Variants in IDH3A observed in about 807,000 individuals in gnomAD.
The protein encoded by IDH3A is isocitrate dehydrogenase (NAD(+)) 3 catalytic subunit alpha.
IDH3A carries 23 observed loss-of-function variants against 43.3 expected under a neutral mutation model. That is an observed-to-expected ratio of 0.53 (90% CI 0.38 to 0.75). The LOEUF (loss-of-function observed/expected upper bound fraction) is 0.75, where lower values mean the gene tolerates loss of function less well. Ranked by LOEUF, IDH3A falls within the 30% of genes least tolerant of loss-of-function variation. The pLI is 0.00. For missense variants in IDH3A, 329 were observed against 474.4 expected, an observed-to-expected ratio of 0.69 and a Z score of 2.85; for synonymous variants, 154 against 163.5, an observed-to-expected ratio of 0.94 and a Z score of 0.44.
chr15:78,165,173 A>C, intron 9 of IDH3A, 97 bp downstream of exon 9: 1 of 775,130 alleles, frequency 1.3e-6, no homozygotes, highest in South Asian at 1.5e-5. Flanking sequence ...CCAGTTTTTC[A>C]AATTGTCAAA....
intron 10 of IDH3A, 199 bp from the exon 11 acceptor site, chr15:78,168,723 A>G (rs1490586533): frequency 9.9e-6 from 5 of 507,446 alleles, no homozygotes; most frequent in Non-Finnish European, 1.4e-5. Context: ...GTGCTGTTGT[A>G]TACACTATGA....
chr15:78,158,463 A>ATATATATATATATAT (rs1212083496), intron 3 of IDH3A, among the ~76,000 whole-genome samples: 1 of 67,378 alleles, frequency 1.5e-5, no homozygotes, highest in African/African-American at 5.5e-5. Flanking sequence ...ATATATATAT[A>ATATATATATATATAT]TTTTTTTTTT....
At chr15:78,153,034 GC>G (rs2074592242) in intron 1 of IDH3A, among the ~76,000 whole-genome samples, 1 of 151,966 alleles carries the variant, frequency 6.6e-6, no homozygotes, top group African/African-American at 2.4e-5. Flanking sequence ...TTACATTGCT[GC>G]CCCCAGCATA....
chr15:78,153,955 A>G (rs1596375093), intron 1 of IDH3A, among the ~76,000 whole-genome samples: 1 of 152,216 alleles, frequency 6.6e-6, no homozygotes, highest in East Asian at 1.9e-4. Context: ...GGTTGCAGTG[A>G]GCCGAGATTG....
At chr15:78,156,800 G>A (rs1449833124) in intron 2 of IDH3A, 1 of 861,380 alleles carries the variant, frequency 1.2e-6, no homozygotes, top group Non-Finnish European at 1.7e-6. Flanking sequence ...TTTGCCTGAA[G>A]CCTTAGAATA....
At chr15:78,154,887 TC>T (rs1427372578) in intron 1 of IDH3A, 2 of 197,608 alleles carry the variant, frequency 1.0e-5, no homozygotes, top group African/African-American at 4.6e-5. Context: ...CACAAAATGA[TC>T]CACTCATCTG....
intron 4 of IDH3A, among the ~76,000 whole-genome samples, chr15:78,160,838 C>T (rs958748325): frequency 1.3e-5 from 2 of 150,704 alleles, no homozygotes; most frequent in African/African-American, 4.9e-5. Context: ...TGTTTAAGGC[C>T]ATAATTCAAA....
At chr15:78,164,354 A>ATTT (rs144772337) in intron 8 of IDH3A, among the ~76,000 whole-genome samples, 2 of 116,580 alleles carry the variant, frequency 1.7e-5, no homozygotes, top group African/African-American at 3.4e-5. Flanking sequence ...GGTGATTTTC[A>ATTT]TTTTTTTTTT....
Position 78,149,418 on chromosome 15 carries a change from G to A in IDH3A, c.15G>A (p.Ala5=), listed in dbSNP as rs774596691. The A allele has an allele frequency of 1.3e-6, 2 of 1,554,706 alleles. No homozygotes were observed. Among genetic ancestry groups the A allele is most frequent in the Admixed American group, 1.8e-5 (1 of 55,112 alleles). Residue 5 remains alanine (A), a synonymous_variant, in exon 1 of 11, where the codon GCG becomes GCA. Coordinates refer to ENST00000299518, the MANE Select transcript of IDH3A (RefSeq NM_005530.3). The stretch of plus-strand genomic sequence containing the variant: ...GAGGGGAAGCGATGGCTGGGCCCGC[G>A]TGGATCTCTAAGGTGAGCGCTGGCA... The part of the protein sequence containing the change: MAGP[A]WISKVSRLLG...
At chr15:78,160,026 T>C in intron 3 of IDH3A, 66 bp from the exon 4 acceptor site, 1 of 946,836 alleles carries the variant, frequency 1.1e-6, no homozygotes, top group East Asian at 2.4e-5. Context: ...TGTTCATCAT[T>C]GCAGTATGAA....
intron 2 of IDH3A, among the ~76,000 whole-genome samples, chr15:78,156,353 G>T (rs1214081678): frequency 6.6e-6 from 1 of 152,140 alleles, no homozygotes; most frequent in Non-Finnish European, 1.5e-5. Context: ...ACTGGTATGA[G>T]CCTTAGCCCT....
intron 10 of IDH3A, chr15:78,167,725 A>G (rs1012274103): frequency 1.5e-4 from 23 of 151,486 alleles, no homozygotes; most frequent in African/African-American, 5.6e-4. Context: ...GAATTTGACT[A>G]CTCTAGGTAC....
rs552444311 is a variant in IDH3A, at chr15:78,162,482, A to T, written c.611+115A>T. The T allele has an allele frequency of 4.5e-6, 5 of 1,102,020 alleles. No individual in the cohort carries two copies. The East Asian group carries it at 1.2e-4, about 27-fold the overall frequency. The allele number at this position is 1,102,020 out of a possible 1,614,324, so 68.3% of individuals were successfully genotyped here. On this transcript the variant is annotated intron_variant, in intron 6 of 10. Transcript: ENST00000299518. ...TTGATTCCTAATATCTTTGAAAAAGAACTTTGTAACAATCCAAAGATACGG... is the reference window on the plus strand; with the variant it reads ...TTGATTCCTAATATCTTTGAAAAAGTACTTTGTAACAATCCAAAGATACGG...
At chr15:78,163,450 G>A in intron 6 of IDH3A, 57 bp from the exon 7 acceptor site, 1 of 1,239,406 alleles carries the variant, frequency 8.1e-7, no homozygotes, top group Non-Finnish European at 1.2e-6. Context: ...TCTTTGATTT[G>A]ATTCTTTTCT....
At chr15:78,160,662 TA>T (rs1338005209) in intron 4 of IDH3A, among the ~76,000 whole-genome samples, 1 of 152,088 alleles carries the variant, frequency 6.6e-6, no homozygotes, top group African/African-American at 2.4e-5. Context: ...ACTAATTTTT[TA>T]AAAAGTTTTT....
chr15:78,158,890 T>A (rs1595867754), intron 3 of IDH3A, among the ~76,000 whole-genome samples: 4 of 152,146 alleles, frequency 2.6e-5, no homozygotes, highest in Non-Finnish European at 5.9e-5. Context: ...TGGAGTGCAA[T>A]GGCATGATCT....
At chr15:78,155,121 G>A (rs2074613334) in intron 1 of IDH3A, 92 bp from the exon 2 acceptor site, 3 of 834,300 alleles carry the variant, frequency 3.6e-6, no homozygotes, top group African/African-American at 3.4e-5. Flanking sequence ...GTGCCAAGTT[G>A]CAGCATTACC....
At chr15:78,159,294 A>C (rs1595867920) in intron 3 of IDH3A, among the ~76,000 whole-genome samples, 4 of 145,626 alleles carry the variant, frequency 2.7e-5, no homozygotes, top group East Asian at 2.0e-4. Flanking sequence ...CTCCCTCCCT[A>C]CCCCCTCCTC....
At chr15:78,167,438 T>C (rs773191438) in intron 10 of IDH3A, 3 of 152,184 alleles carry the variant, frequency 2.0e-5, no homozygotes, top group Non-Finnish European at 4.4e-5. Flanking sequence ...ATTCCGAAGT[T>C]AGAGGAAATA....
Sources: gnomAD v4.1 joint callset for allele counts (sites outside exome capture counted in the v4.1 genomes callset) on GRCh38, gnomAD v4.1.1 for gene constraint, MANE v1.5 for transcripts, NCBI Gene and HGNC (gene_info 2026-07-23, HGNC 2026-07-21) for gene names.